EPHA5: variants seen among roughly 807,000 people sequenced by gnomAD.
The protein encoded by EPHA5 is ephrin type-A receptor 5.
Under a neutral mutation model 105.0 loss-of-function variants are expected in EPHA5, and 60 were observed. That is an observed-to-expected ratio of 0.57 (90% CI 0.46 to 0.71). The LOEUF is 0.71. Among genes scored for constraint, EPHA5 ranks in the 30% least tolerant of loss-of-function variants. EPHA5 has a pLI of 0.00. For missense variants in EPHA5, 1,218 were observed against 1,274.7 expected, an observed-to-expected ratio of 0.96 and a Z score of 0.68; for synonymous variants, 513 against 449.1, an observed-to-expected ratio of 1.14 and a Z score of -1.80.
At chr4:65,354,706 TATC>T (rs1227554835) in intron 11 of EPHA5, among the ~76,000 whole-genome samples, 1 of 151,698 alleles carries the variant, frequency 6.6e-6, no homozygotes, top group African/African-American at 2.4e-5. Flanking sequence ...TATTTACACA[TATC>T]ATATTATCCA....
intron 14 of EPHA5, among the ~76,000 whole-genome samples, chr4:65,344,348 C>T (rs1231640112): frequency 6.6e-6 from 1 of 152,112 alleles, no homozygotes; most frequent in Non-Finnish European, 1.5e-5. Context: ...CCCTCAGGAA[C>T]ATAAGAAAGC....
chr4:65,333,327 A>G (rs1253483016), intron 15 of EPHA5, among the ~76,000 whole-genome samples: 1 of 151,710 alleles, frequency 6.6e-6, no homozygotes, highest in Non-Finnish European at 1.5e-5. Flanking sequence ...TAGTTTCTTC[A>G]AAACCAATTT....
chr4:65,518,973 G>A (rs1480249530), intron 3 of EPHA5, among the ~76,000 whole-genome samples: 1 of 152,024 alleles, frequency 6.6e-6, no homozygotes, highest in Non-Finnish European at 1.5e-5. Context: ...TATGAGGCCA[G>A]CATCATCCTG....
chr4:65,347,954 C>T, intron 14 of EPHA5, 100 bp downstream of exon 14: 1 of 1,224,448 alleles, frequency 8.2e-7, no homozygotes, highest in Non-Finnish European at 1.1e-6. Flanking sequence ...ATTTCATTTT[C>T]TTAAGCAACT....
At chr4:65,491,599 A>G (rs139388265) in intron 4 of EPHA5, among the ~76,000 whole-genome samples, 1,586 of 152,172 alleles carry the variant, frequency 0.01, 30 homozygotes, top group African/African-American at 0.036. Flanking sequence ...TAACTTCATG[A>G]AGTATTTCTT....
chr4:65,463,749 T>A (rs544372519), intron 5 of EPHA5, among the ~76,000 whole-genome samples: 3 of 152,228 alleles, frequency 2.0e-5, no homozygotes, highest in South Asian at 4.1e-4. Context: ...ATGTAGTTAT[T>A]TTTTTGCACA....
At chr4:65,620,868 T>C (rs1373283140) in intron 2 of EPHA5, among the ~76,000 whole-genome samples, 1 of 152,164 alleles carries the variant, frequency 6.6e-6, no homozygotes, top group East Asian at 1.9e-4. Context: ...CATATGCTTT[T>C]TCCATATGTG....
rs535123752 is a variant in EPHA5 at position 65,615,141 on chromosome 4, A to C, written c.247-12837T>G. On this transcript the variant is annotated intron_variant, in intron 2 of 16. Coordinates refer to ENST00000613740, the MANE Select transcript of EPHA5 (RefSeq NM_001281766.3). ...AAAATACACTAAATTCATTATCAGAAGCTTATAGATCTCTAGGAAAAATAA... is the reference window on the plus strand; with the variant it reads ...AAAATACACTAAATTCATTATCAGACGCTTATAGATCTCTAGGAAAAATAA... Among the ~76,000 whole-genome samples the C allele has an allele frequency of 3.5e-4, 53 of 152,004 alleles. 1 individual carries two copies. Among genetic ancestry groups the C allele is most frequent in the African/African-American group, 1.3e-3 (52 of 41,540 alleles).
chr4:65,526,134 A>G (rs1051519056), intron 3 of EPHA5, among the ~76,000 whole-genome samples: 2 of 151,922 alleles, frequency 1.3e-5, no homozygotes, highest in African/African-American at 4.8e-5. Context: ...TCATTTATCA[A>G]ATCAGATAAA....
intron 3 of EPHA5, among the ~76,000 whole-genome samples, chr4:65,524,924 C>T (rs1735090440): frequency 1.3e-5 from 2 of 151,650 alleles, no homozygotes; most frequent in Admixed American, 6.6e-5. Flanking sequence ...TCTCATCCTT[C>T]AAAGAAAGAT....
chr4:65,500,229 T>C (rs1732340977), intron 3 of EPHA5, among the ~76,000 whole-genome samples: 1 of 151,334 alleles, frequency 6.6e-6, no homozygotes, highest in Non-Finnish European at 1.5e-5. Flanking sequence ...TACCTAAATA[T>C]CATTTAGAAA....
At chr4:65,516,622 G>A (rs1296121255) in intron 3 of EPHA5, among the ~76,000 whole-genome samples, 1 of 151,910 alleles carries the variant, frequency 6.6e-6, no homozygotes, top group Non-Finnish European at 1.5e-5. Context: ...CTGTTTTTCT[G>A]GAGAACACTG....
chr4:65,601,048 G>A (rs1326023256), intron 3 of EPHA5, among the ~76,000 whole-genome samples: 5 of 152,092 alleles, frequency 3.3e-5, no homozygotes, highest in African/African-American at 4.8e-5. Context: ...GTGGGGCACT[G>A]CTTATTATGC....
At chr4:65,495,564 CTA>C in intron 3 of EPHA5, 21 bp from the exon 4 acceptor site, 1 of 1,595,288 alleles carries the variant, frequency 6.3e-7, no homozygotes. Flanking sequence ...AAATAAGAGA[CTA>C]AGCTTTTCCC....
chr4:65,598,258 AT>A (rs1276570833), intron 3 of EPHA5, among the ~76,000 whole-genome samples: 5 of 152,120 alleles, frequency 3.3e-5, no homozygotes, highest in Non-Finnish European at 7.4e-5. Flanking sequence ...AATACCTTGA[AT>A]ATGAAATTTG....
At chr4:65,329,444 A>G (rs1720387386) in intron 16 of EPHA5, among the ~76,000 whole-genome samples, 1 of 151,434 alleles carries the variant, frequency 6.6e-6, no homozygotes, top group Non-Finnish European at 1.5e-5. Context: ...TGTCATTCTG[A>G]AAATTTTATA....
chr4:65,416,070 G>T (rs1723356363), intron 6 of EPHA5, among the ~76,000 whole-genome samples: 1 of 151,944 alleles, frequency 6.6e-6, no homozygotes, highest in Non-Finnish European at 1.5e-5. Flanking sequence ...GGCTATGATT[G>T]CAGTAGTAAC....
chr4:65,496,148 T>G (rs1459080708), intron 3 of EPHA5, among the ~76,000 whole-genome samples: 1 of 152,330 alleles, frequency 6.6e-6, no homozygotes, highest in African/African-American at 2.4e-5. Flanking sequence ...AGACACCTAC[T>G]GATTCAACAT....
intron 5 of EPHA5, among the ~76,000 whole-genome samples, chr4:65,459,944 A>T (rs1205531384): frequency 6.6e-6 from 1 of 151,764 alleles, no homozygotes; most frequent in African/African-American, 2.4e-5. Flanking sequence ...AAGGAGAAAA[A>T]TGTGTACTAG....
Sources: gnomAD v4.1 joint callset for allele counts (sites outside exome capture counted in the v4.1 genomes callset) on GRCh38, gnomAD v4.1.1 for gene constraint, MANE v1.5 for transcripts, NCBI Gene and HGNC (gene_info 2026-07-23, HGNC 2026-07-21) for gene names.